Variants in PDE1A observed in about 807,000 individuals in gnomAD.
The protein encoded by PDE1A is phosphodiesterase 1A, also known as dual specificity calcium/calmodulin-dependent 3',5'-cyclic nucleotide phosphodiesterase 1A.
A neutral mutation model predicts 61.7 loss-of-function variants in PDE1A; 35 were observed. That is an observed-to-expected ratio of 0.57 (90% CI 0.43 to 0.75). The LOEUF (loss-of-function observed/expected upper bound fraction) is 0.75. Among genes scored for constraint, PDE1A ranks in the 30% least tolerant of loss-of-function variants. The pLI is 0.00. For synonymous variants in PDE1A, 232 were observed against 213.2 expected (o/e 1.09, Z -0.77); for missense variants, 597 against 630.6 (o/e 0.95, Z 0.57).
chr2:182,698,791 CAT>C, the PDE1A span, among the ~76,000 whole-genome samples: 1 of 152,140 alleles, frequency 6.6e-6, no homozygotes, highest in African/African-American at 2.4e-5. Flanking sequence ...GAGCACAAAA[CAT>C]AGTCTATCAC....
intron 13 of PDE1A, among the ~76,000 whole-genome samples, chr2:182,160,023 C>G (rs996826588): frequency 6.6e-6 from 1 of 152,134 alleles, no homozygotes; most frequent in African/African-American, 2.4e-5. Context: ...CTCATTTAAT[C>G]CTCCTAACAG....
At chr2:182,356,356 T>A (rs1699178014) in intron 1 of PDE1A, among the ~76,000 whole-genome samples, 1 of 152,122 alleles carries the variant, frequency 6.6e-6, no homozygotes, top group African/African-American at 2.4e-5. Flanking sequence ...TTACAAAACT[T>A]TTTCCATCTA....
At chr2:182,342,494 T>G (rs987639197) in intron 1 of PDE1A, among the ~76,000 whole-genome samples, 2 of 152,086 alleles carry the variant, frequency 1.3e-5, no homozygotes, top group African/African-American at 2.4e-5. Context: ...CCATCCTGGC[T>G]AACACGGTGA....
At chr2:182,690,487 T>C in the PDE1A span, among the ~76,000 whole-genome samples, 1 of 152,170 alleles carries the variant, frequency 6.6e-6, no homozygotes, top group African/African-American at 2.4e-5. Flanking sequence ...CAGCGCTTCA[T>C]GCTAAAAACT....
intron 2 of PDE1A, among the ~76,000 whole-genome samples, chr2:182,447,820 CTAAT>C (rs1685244223): frequency 6.6e-6 from 1 of 152,038 alleles, no homozygotes; most frequent in African/African-American, 2.4e-5. Flanking sequence ...AATTAATTAA[CTAAT>C]TAATATCAAA....
At chr2:182,614,012 C>T in the PDE1A span, among the ~76,000 whole-genome samples, 3 of 152,308 alleles carry the variant, frequency 2.0e-5, no homozygotes, top group Admixed American at 6.5e-5. Context: ...GTGGAGGTAT[C>T]CTATCTGATG....
chr2:182,210,623 T>A (rs1687505307), intron 7 of PDE1A, among the ~76,000 whole-genome samples: 1 of 152,222 alleles, frequency 6.6e-6, no homozygotes, highest in African/African-American at 2.4e-5. Context: ...CTCTTGATAG[T>A]GTCTTTGGTA....
chr2:182,161,642 G>T (rs1230264458), intron 13 of PDE1A, among the ~76,000 whole-genome samples: 2 of 152,064 alleles, frequency 1.3e-5, no homozygotes, highest in Admixed American at 1.3e-4. Context: ...TTCTAAACCT[G>T]TAACTAGACT....
At chr2:182,378,004 G>A (rs756819306) in intron 1 of PDE1A, among the ~76,000 whole-genome samples, 22 of 152,064 alleles carry the variant, frequency 1.4e-4, no homozygotes, top group Admixed American at 2.6e-4. Context: ...CCGCCACCTC[G>A]CCCGGCTAAT....
chr2:182,353,073 A>G (rs1367354783), intron 1 of PDE1A, among the ~76,000 whole-genome samples: 1 of 152,200 alleles, frequency 6.6e-6, no homozygotes, highest in African/African-American at 2.4e-5. Context: ...CTTGACAACT[A>G]CTATCACAAT....
chr2:182,349,526 G>T (rs1388219530), intron 1 of PDE1A, among the ~76,000 whole-genome samples: 1 of 152,162 alleles, frequency 6.6e-6, no homozygotes, highest in African/African-American at 2.4e-5. Context: ...ACACTGAAAG[G>T]CACGTGAAAT....
chr2:182,447,499 C>G (rs1056161834), intron 2 of PDE1A, among the ~76,000 whole-genome samples: 13 of 152,086 alleles, frequency 8.5e-5, no homozygotes, highest in African/African-American at 3.1e-4. Flanking sequence ...AAGAAACAGG[C>G]TGTAGACCAC....
At chr2:182,331,133 G>C (rs1273258244) in intron 1 of PDE1A, among the ~76,000 whole-genome samples, 1 of 152,170 alleles carries the variant, frequency 6.6e-6, no homozygotes, top group East Asian at 1.9e-4. Flanking sequence ...TGGAGGCATA[G>C]AGAGGCTTAG....
At chr2:182,469,271 A>G (rs75425263) in intron 2 of PDE1A, among the ~76,000 whole-genome samples, 4 of 151,970 alleles carry the variant, frequency 2.6e-5, no homozygotes, top group African/African-American at 9.7e-5. Context: ...ACCTTCATCA[A>G]TAATCTTAGC....
At chr2:182,334,056 A>G (rs1228387002) in intron 1 of PDE1A, among the ~76,000 whole-genome samples, 1 of 152,190 alleles carries the variant, frequency 6.6e-6, no homozygotes, top group African/African-American at 2.4e-5. Flanking sequence ...TGAATAGACC[A>G]ATAACAAGTT....
At chr2:182,245,466 C>T (rs1690875098) in intron 2 of PDE1A, among the ~76,000 whole-genome samples, 1 of 152,064 alleles carries the variant, frequency 6.6e-6, no homozygotes, top group Admixed American at 6.6e-5. Context: ...AGGGTAGTTC[C>T]ACTGCCCTAA....
At chr2:182,614,160 T>G in the PDE1A span, among the ~76,000 whole-genome samples, 2 of 152,234 alleles carry the variant, frequency 1.3e-5, no homozygotes, top group Admixed American at 6.5e-5. Flanking sequence ...TGATAGAACC[T>G]ACATACTTAT....
intron 2 of PDE1A, among the ~76,000 whole-genome samples, chr2:182,500,113 T>A (rs1451670381): frequency 6.6e-6 from 1 of 152,214 alleles, no homozygotes; most frequent in Non-Finnish European, 1.5e-5. Context: ...CAGAAAGAAT[T>A]AGTGATAGGT....
chr2:182,522,681 C>T, exon 1 of PDE1A: 6 of 1,107,232 alleles, frequency 5.4e-6, no homozygotes, highest in Non-Finnish European at 6.6e-6. Flanking sequence ...AGTACTCAAG[C>T]TCTCCCCAAA....
Sources: allele counts gnomAD v4.1 joint callset (sites outside exome capture counted in the v4.1 genomes callset), GRCh38; gene constraint gnomAD v4.1.1; transcripts MANE v1.5; gene names NCBI Gene and HGNC (gene_info 2026-07-23, HGNC 2026-07-21).